Variants in ITGAM observed in about 807,000 individuals in gnomAD.
The protein encoded by ITGAM is integrin subunit alpha M.
In ITGAM, 79 loss-of-function variants were observed where a neutral mutation model predicts 137.5. The ratio of observed to expected loss-of-function variants is 0.57; its 90% CI spans 0.48 to 0.69. ITGAM has a LOEUF of 0.69. Among genes scored for constraint, ITGAM ranks in the 30% least tolerant of loss-of-function variants. The probability of loss-of-function intolerance (pLI) is 0.00; values close to 1 mark genes in which losing one functional copy is unlikely to be tolerated. For synonymous variants in ITGAM, 583 were observed against 592.3 expected, an observed-to-expected ratio of 0.98 and a Z score of 0.23; for missense variants, 1,343 against 1,483.5, an observed-to-expected ratio of 0.91 and a Z score of 1.56.
chr16:31,306,221 T>C (rs545102091), intron 14 of ITGAM, among the ~76,000 whole-genome samples: 2 of 152,310 alleles, frequency 1.3e-5, no homozygotes, highest in South Asian at 2.1e-4. Context: ...CCATCCTTTT[T>C]CCTTGTGTCC....
rs1050022136 is a variant in ITGAM, at chr16:31,331,160, C to T, written c.3277-5C>T. 5.1e-6 allele frequency: 8 copies of T among 1,569,552 alleles called. No homozygotes were observed. In the Admixed American group the frequency reaches 1.0e-4, roughly 20 times the overall value. ...CTCCCCTGACGCCCCTCCTTCCTCC[C>T]CCAGACGGAGACCAAAGTGGAGCCG... On this transcript the variant is annotated splice_region_variant and splice_polypyrimidine_tract_variant and intron_variant, in intron 28 of 29. Transcript: ENST00000544665.
rs547240311 is a variant in ITGAM, at chr16:31,327,702, G to A, written c.2709-445G>A. 3.1e-4 allele frequency among the ~76,000 whole-genome samples: 47 copies of A among 152,260 alleles called. 1 individual carries two copies. Among genetic ancestry groups the A allele is most frequent in the South Asian group, 1.9e-3 (9 of 4,822 alleles). ...GGGCGGGCATGAAGACAGAAGGCAG[G>A]AAGCAGATACCAGGGACGGGAAGAT... is the stretch of plus-strand genomic sequence containing the variant. On this transcript the variant is annotated intron_variant, in intron 22 of 29. Transcript: ENST00000544665.
At chr16:31,308,591 C>CAA (rs200124230) in intron 14 of ITGAM, among the ~76,000 whole-genome samples, 30 of 152,028 alleles carry the variant, frequency 2.0e-4, no homozygotes, top group African/African-American at 7.0e-4. Flanking sequence ...CTGATCTTTT[C>CAA]AAAAAAACCA....
intron 26 of ITGAM, 54 bp downstream of exon 26, chr16:31,330,218 C>G (rs1410249062): frequency 6.3e-7 from 1 of 1,595,936 alleles, no homozygotes; most frequent in Non-Finnish European, 8.6e-7. Flanking sequence ...CGCTTCCCTG[C>G]TGGAACCTGT....
intron 23 of ITGAM, 155 bp from the exon 24 acceptor site, chr16:31,329,073 T>TCACCCCCC: frequency 2.3e-6 from 1 of 426,236 alleles, no homozygotes; most frequent in Non-Finnish European, 4.5e-6. Context: ...ACACATTGGT[T>TCACCCCCC]CCCCCATCCC....
intron 14 of ITGAM, among the ~76,000 whole-genome samples, chr16:31,311,269 C>A (rs372132932): frequency 6.6e-6 from 1 of 152,106 alleles, no homozygotes; most frequent in Non-Finnish European, 1.5e-5. Flanking sequence ...GCAACAAAAG[C>A]CAAAATTGAC....
chr16:31,322,231 A>G (rs1053138582), intron 16 of ITGAM, among the ~76,000 whole-genome samples: 1 of 152,034 alleles, frequency 6.6e-6, no homozygotes, highest in Non-Finnish European at 1.5e-5. Flanking sequence ...GTGGGAGGGG[A>G]GGATCACTTG....
chr16:31,312,637 C>T (rs961949988), intron 14 of ITGAM, among the ~76,000 whole-genome samples: 38 of 152,062 alleles, frequency 2.5e-4, no homozygotes, highest in African/African-American at 8.2e-4. Context: ...CTATGTTTCC[C>T]AGGCTGGTCT....
At position 31,324,121 on chromosome 16, in the gene ITGAM, G is replaced by A. The variant is rs2080479162; in HGVS notation, c.2003-278G>A. ...GGAAGAAAAGGAAGGAAGGAAGAAG[G>A]GAAGGAAGGAAAGGAAGGAAAGTAG... is the stretch of plus-strand genomic sequence containing the variant. On this transcript the variant is annotated intron_variant, in intron 16 of 29. Transcript: ENST00000544665. This position sits in a 1 kb window ranked among gnomAD's most constrained non-coding sequence, Gnocchi z 4.5. Among the ~76,000 whole-genome samples, 1 of 146,466 alleles carries A rather than the reference G, an allele frequency of 6.8e-6. No individual in the cohort carries two copies. The highest frequency in any genetic ancestry group is 1.5e-5 in the Non-Finnish European group (1 of 66,712).
Position 31,282,300 on chromosome 16 carries a change from T to C in ITGAM, c.1356+4191T>C, listed in dbSNP as rs1236603248. On this transcript the variant is annotated intron_variant, in intron 12 of 29. Coordinates refer to ENST00000544665, the MANE Select transcript of ITGAM (RefSeq NM_000632.4). ...GTTAACTTTCTGTCTCGTTGATCTG[T>C]CTAATGTTGACAGTGGGGTGTTAAA... 2.6e-5 allele frequency among the ~76,000 whole-genome samples: 4 copies of C among 152,200 alleles called. No individual in the cohort carries two copies. In the East Asian group the frequency reaches 5.8e-4, roughly 22 times the overall value.
At chr16:31,329,087 G>A in intron 23 of ITGAM, 141 bp from the exon 24 acceptor site, 4 of 96,760 alleles carry the variant, frequency 4.1e-5, no homozygotes, top group Non-Finnish European at 5.9e-5. Context: ...CCATCCCCCT[G>A]CACCCCACCC....
Position 31,329,778 on chromosome 16 carries a change from C to T in ITGAM, c.2869-20C>T. ...TGGGGGAGGAAGGCCAGAGCCCTGA[C>T]CCCGCCCTCCCCGGTGCAGGTCAGC... On this transcript the variant is annotated intron_variant, in intron 24 of 29. Transcript: ENST00000544665. 1 of 1,544,962 alleles carries T rather than the reference C, an allele frequency of 6.5e-7. No individual in the cohort carries two copies. The highest frequency in any genetic ancestry group is 2.4e-5 in the East Asian group (1 of 40,908).
chr16:31,265,093 T>A (rs1056704166), intron 2 of ITGAM, among the ~76,000 whole-genome samples: 4 of 152,182 alleles, frequency 2.6e-5, no homozygotes, highest in South Asian at 4.1e-4. Context: ...GATCTTGAAC[T>A]CCTGAGCTCA....
Position 31,331,632 on chromosome 16 carries a change from G to T in ITGAM, c.3388-4G>T. ...CGCTCTCACTGCCCTCCTCTGCCCC[G>T]CAGCTCGGCTTCTTCAAGCGGCAAT... is the stretch of plus-strand genomic sequence containing the variant. On this transcript the variant is annotated splice_region_variant and splice_polypyrimidine_tract_variant and intron_variant, in intron 29 of 29. Coordinates refer to ENST00000544665, the MANE Select transcript of ITGAM (RefSeq NM_000632.4). 7.2e-7 allele frequency: 1 copy of T among 1,383,896 alleles called. No individual in the cohort carries two copies. Among genetic ancestry groups the T allele is most frequent in the Non-Finnish European group, 9.6e-7 (1 of 1,039,586 alleles). The allele number at this position is 1,383,896 out of a possible 1,614,324, so 85.7% of individuals were successfully genotyped here.
chr16:31,302,920 CTT>C (rs1005940587), intron 14 of ITGAM, among the ~76,000 whole-genome samples: 4 of 5,914 alleles, frequency 6.8e-4, no homozygotes, highest in South Asian at 4.5e-3. Flanking sequence ...TTCCCTCCCT[CTT>C]TCTTTCTTTC....
At chr16:31,302,916 C>T (rs1182038668) in intron 14 of ITGAM, among the ~76,000 whole-genome samples, 1 of 144,266 alleles carries the variant, frequency 6.9e-6, no homozygotes, top group Admixed American at 7.0e-5. Flanking sequence ...CTCTTTCCCT[C>T]CCTCTTTCTT....
In ITGAM at chr16:31,262,252, T is replaced by G. The variant is rs536799590; in HGVS notation, c.134+455T>G. Reference sequence around the variant, plus strand: ...TTCCCTCCCTTCCTCCCTTCCTTCCTTCCTTCCTTCTTTCCTTCCTTCCTT... The same window carrying G: ...TTCCCTCCCTTCCTCCCTTCCTTCCGTCCTTCCTTCTTTCCTTCCTTCCTT... On this transcript the variant is annotated intron_variant, in intron 2 of 29. Coordinates refer to ENST00000544665, the MANE Select transcript of ITGAM (RefSeq NM_000632.4). 2.6e-5 allele frequency among the ~76,000 whole-genome samples: 4 copies of G among 151,326 alleles called. No homozygotes were observed. The East Asian group carries it at 7.9e-4, about 30-fold the overall frequency.
intron 2 of ITGAM, among the ~76,000 whole-genome samples, chr16:31,263,540 T>C (rs1203185066): frequency 6.6e-6 from 1 of 152,176 alleles, no homozygotes; most frequent in Admixed American, 6.5e-5. Flanking sequence ...TCAAACTTAC[T>C]GATCTCTGCA....
chr16:31,328,526 C>T (rs933442794), intron 23 of ITGAM, among the ~76,000 whole-genome samples: 13 of 142,744 alleles, frequency 9.1e-5, no homozygotes, highest in Non-Finnish European at 1.8e-4. Flanking sequence ...TGTGTGTGTG[C>T]GTGCATGGGT....
Sources: gnomAD v4.1 joint callset for allele counts (sites outside exome capture counted in the v4.1 genomes callset) on GRCh38, gnomAD v4.1.1 for gene constraint, Gnocchi (gnomAD v3.1) non-coding constraint, MANE v1.5 for transcripts, NCBI Gene and HGNC (gene_info 2026-07-23, HGNC 2026-07-21) for gene names.